The following MTSS1 variants were observed in gnomAD, a reference collection of about 807,000 sequenced individuals.
MTSS1 encodes the protein protein MTSS 1.
Under a neutral mutation model 79.0 loss-of-function variants are expected in MTSS1, and 18 were observed. The observed-to-expected ratio is 0.23, with a 90% CI of 0.16 to 0.34. The LOEUF (loss-of-function observed/expected upper bound fraction) is 0.34. Among genes scored for constraint, MTSS1 ranks in the 10% least tolerant of loss-of-function variants. MTSS1 has a pLI of 1.00. For synonymous variants in MTSS1, 341 were observed against 368.6 expected (o/e 0.93, Z 0.86); for missense variants, 815 against 986.2 (o/e 0.83, Z 2.33).
At chr8:124,662,568 C>G (rs1587665795) in intron 3 of MTSS1, among the ~76,000 whole-genome samples, 1 of 152,190 alleles carries the variant, frequency 6.6e-6, no homozygotes, top group Non-Finnish European at 1.5e-5. Flanking sequence ...CCCAGGCCTC[C>G]TGACGCACCC....
At chr8:124,686,197 G>T (rs565469534) in intron 3 of MTSS1, among the ~76,000 whole-genome samples, 1 of 152,216 alleles carries the variant, frequency 6.6e-6, no homozygotes, top group Non-Finnish European at 1.5e-5. Context: ...CAGGCAGAGG[G>T]GGCCTGCAGC....
chr8:124,658,464 A>G (rs1347899365), intron 3 of MTSS1, among the ~76,000 whole-genome samples: 2 of 152,074 alleles, frequency 1.3e-5, no homozygotes, highest in African/African-American at 2.4e-5. Context: ...AAATTACCCA[A>G]TCTCGGGTAT....
chr8:124,553,195 C>T lies in MTSS1; in HGVS notation c.2065G>A (p.Ala689Thr). The T allele has an allele frequency of 1.2e-6, 2 of 1,614,134 alleles. No homozygotes were observed. Among genetic ancestry groups the T allele is most frequent in the Non-Finnish European group, 1.7e-6 (2 of 1,180,030 alleles). The change falls in exon 14 of 14, where the codon GCA becomes ACA. Residue 689 changes from alanine (A) to threonine (T), a missense_variant. Transcript: ENST00000518547. This position sits in a 1 kb window ranked among gnomAD's most constrained non-coding sequence, Gnocchi z 6.0. ...TCTTCAGCTTCACTTTCTGGAATTG[C>T]CTGTCTGTGCTCCTCAGGGATACTG... is the stretch of plus-strand genomic sequence containing the variant. ...KPSIPEEHRQAIPESEAEDQE... is the reference protein window; with the variant it reads ...KPSIPEEHRQTIPESEAEDQE...
intron 2 of MTSS1, among the ~76,000 whole-genome samples, chr8:124,703,482 G>A (rs373762681): frequency 6.6e-6 from 1 of 152,122 alleles, no homozygotes; most frequent in African/African-American, 2.4e-5. Flanking sequence ...TAGTAGAGAT[G>A]GGATTTCGCC....
At chr8:124,681,885 T>C (rs1048993381) in intron 3 of MTSS1, among the ~76,000 whole-genome samples, 1 of 152,246 alleles carries the variant, frequency 6.6e-6, no homozygotes, top group Non-Finnish European at 1.5e-5. Flanking sequence ...TTGTATGTGC[T>C]AATAAATACT....
intron 3 of MTSS1, among the ~76,000 whole-genome samples, chr8:124,652,475 C>T (rs745437623): frequency 3.3e-4 from 50 of 152,182 alleles, no homozygotes; most frequent in Non-Finnish European, 5.6e-4. Context: ...CGAGGAATGT[C>T]TTCTATACAT....
At chr8:124,713,580 C>A (rs542336949) in intron 1 of MTSS1, among the ~76,000 whole-genome samples, 3 of 152,106 alleles carry the variant, frequency 2.0e-5, no homozygotes, top group African/African-American at 7.2e-5. Context: ...TGCACCACCA[C>A]GTCTGGCTAA....
At chr8:124,599,982 CTG>C (rs1320950675) in intron 3 of MTSS1, among the ~76,000 whole-genome samples, 1 of 150,968 alleles carries the variant, frequency 6.6e-6, no homozygotes, top group African/African-American at 2.4e-5. Context: ...CATTTGCTGT[CTG>C]TGTGGTCTTT....
intron 3 of MTSS1, among the ~76,000 whole-genome samples, chr8:124,636,893 C>G (rs1481901524): frequency 6.6e-6 from 1 of 152,206 alleles, no homozygotes; most frequent in African/African-American, 2.4e-5. Flanking sequence ...CCAATAGCAA[C>G]TGACTCTGCC....
intron 1 of MTSS1, among the ~76,000 whole-genome samples, chr8:124,724,744 C>T (rs1833438478): frequency 1.3e-5 from 2 of 152,176 alleles, no homozygotes; most frequent in Admixed American, 6.5e-5. Flanking sequence ...AGGCACAAAG[C>T]TGCTGTTTGA....
At chr8:124,605,590 G>A (rs958338551) in intron 3 of MTSS1, among the ~76,000 whole-genome samples, 64 of 138,376 alleles carry the variant, frequency 4.6e-4, no homozygotes, top group Middle Eastern at 3.6e-3. Flanking sequence ...CTGCCCTCTC[G>A]CTGCCTCCCT....
At chr8:124,586,096 C>A (rs1830816228) in intron 5 of MTSS1, among the ~76,000 whole-genome samples, 1 of 152,210 alleles carries the variant, frequency 6.6e-6, no homozygotes, top group African/African-American at 2.4e-5. Context: ...CTGTTGCTGG[C>A]ATCCTCATCA....
chr8:124,557,985 T>A (rs1454204816), intron 10 of MTSS1, 110 bp from the exon 11 acceptor site: 12 of 836,000 alleles, frequency 1.4e-5, no homozygotes, highest in Non-Finnish European at 2.2e-5. Flanking sequence ...ACCTGAATAT[T>A]TATAAATAAA....
intron 3 of MTSS1, among the ~76,000 whole-genome samples, chr8:124,638,547 C>G (rs1464798078): frequency 1.3e-5 from 2 of 152,190 alleles, no homozygotes; most frequent in African/African-American, 4.8e-5. Context: ...CCCTTCGGTA[C>G]AGTGTCAGGA....
intron 6 of MTSS1, among the ~76,000 whole-genome samples, chr8:124,572,743 CTTT>C (rs747243821): frequency 3.2e-5 from 4 of 123,660 alleles, no homozygotes; most frequent in Non-Finnish European, 3.4e-5. Flanking sequence ...CTTTTCTTTT[CTTT>C]TTTTTTTTTT....
In MTSS1 at chr8:124,665,175, A is replaced by G. The variant is rs564307292; in HGVS notation, c.208+34351T>C. On this transcript the variant is annotated intron_variant, in intron 3 of 13. Coordinates refer to ENST00000518547, the MANE Select transcript of MTSS1 (RefSeq NM_014751.6). ...GCACTTAAACTATTTGAACATGTCTATAATAAGAAGCAGGGCTGCCTTCCA... is the reference window on the plus strand; with the variant it reads ...GCACTTAAACTATTTGAACATGTCTGTAATAAGAAGCAGGGCTGCCTTCCA... 9.8e-5 allele frequency among the ~76,000 whole-genome samples: 15 copies of G among 152,358 alleles called. No homozygotes were observed. In the South Asian group the frequency reaches 2.9e-3, roughly 29 times the overall value.
chr8:124,601,637 G>A (rs907690719), intron 3 of MTSS1, among the ~76,000 whole-genome samples: 3 of 152,172 alleles, frequency 2.0e-5, no homozygotes, highest in African/African-American at 7.2e-5. Context: ...TCACCTTGAC[G>A]GCGGGCTGGA....
At position 124,562,069 on chromosome 8, in the gene MTSS1, C is replaced by T. The variant is rs193123529; in HGVS notation, c.1035+713G>A. ...TAGAGCTACTTGCCAAGTTCAAGGC[C>T]GACACCAACCCAATGACACTAAGGG... On this transcript the variant is annotated intron_variant, in intron 10 of 13. Transcript: ENST00000518547. Among the ~76,000 whole-genome samples, 17 of 152,166 alleles carry T rather than the reference C, an allele frequency of 1.1e-4. No individual in the cohort carries two copies. The East Asian group carries it at 2.3e-3, about 21-fold the overall frequency.
intron 2 of MTSS1, among the ~76,000 whole-genome samples, chr8:124,702,540 G>C (rs1829848119): frequency 6.6e-6 from 1 of 152,146 alleles, no homozygotes; most frequent in Non-Finnish European, 1.5e-5. Flanking sequence ...AAAGCTGAAG[G>C]AATGAAAGAA....
Sources: gnomAD v4.1 joint callset for allele counts (sites outside exome capture counted in the v4.1 genomes callset) on GRCh38, gnomAD v4.1.1 for gene constraint, Gnocchi (gnomAD v3.1) non-coding constraint, MANE v1.5 for transcripts, NCBI Gene and HGNC (gene_info 2026-07-23, HGNC 2026-07-21) for gene names.